The following ROBO2 variants were observed in gnomAD, a reference collection of about 807,000 sequenced individuals.
ROBO2 encodes the protein roundabout guidance receptor 2, also known as roundabout homolog 2.
A neutral mutation model predicts 160.8 loss-of-function variants in ROBO2; 53 were observed. The observed-to-expected ratio is 0.33, with a 90% CI of 0.26 to 0.41. The LOEUF (loss-of-function observed/expected upper bound fraction) is 0.41. Ranked by LOEUF, ROBO2 falls within the 10% of genes least tolerant of loss-of-function variation. The pLI is 1.00. For synonymous variants in ROBO2, 664 were observed against 611.7 expected, an observed-to-expected ratio of 1.09 and a Z score of -1.26; for missense variants, 1,577 against 1,722.4, an observed-to-expected ratio of 0.92 and a Z score of 1.49.
At chr3:76,930,377 A>C (rs146800204) in intron 2 of ROBO2, among the ~76,000 whole-genome samples, 94 of 152,226 alleles carry the variant, frequency 6.2e-4, no homozygotes, top group African/African-American at 2.3e-3. Flanking sequence ...ACCTTTCCTC[A>C]AATGTCATGG....
chr3:76,703,495 C>T lies in ROBO2; in HGVS notation c.110-394519C>T, dbSNP rs1049761121. Among the ~76,000 whole-genome samples, 4 of 152,166 alleles carry T rather than the reference C, an allele frequency of 2.6e-5. No individual in the cohort carries two copies. The South Asian group carries it at 6.2e-4, about 24-fold the overall frequency. ...CCAGTCACCTACATTAGGTATTTCTCCTAATGCTCTCCCTCCCCTTTCCCC... is the reference window on the plus strand; with the variant it reads ...CCAGTCACCTACATTAGGTATTTCTTCTAATGCTCTCCCTCCCCTTTCCCC... On this transcript the variant is annotated intron_variant, in intron 2 of 26. Coordinates refer to the ROBO2 transcript ENST00000487694.
upstream of ROBO2, among the ~76,000 whole-genome samples, chr3:77,037,534 T>G (rs2063710445): frequency 6.6e-6 from 1 of 152,160 alleles, no homozygotes; most frequent in South Asian, 2.1e-4. Flanking sequence ...CTTCTCTGTA[T>G]GATGTAATTT....
chr3:76,409,612 G>C (rs1318404663), intron 2 of ROBO2, among the ~76,000 whole-genome samples: 2 of 152,032 alleles, frequency 1.3e-5, no homozygotes, highest in Non-Finnish European at 2.9e-5. Context: ...AGGAGGAACA[G>C]GTGCAGTAAC....
chr3:76,683,879 CTTCTAAT>C (rs1184868369), intron 2 of ROBO2, among the ~76,000 whole-genome samples: 1 of 151,972 alleles, frequency 6.6e-6, no homozygotes, highest in Non-Finnish European at 1.5e-5. Context: ...AACTTTAAAA[CTTCTAAT>C]TTCTAAGTTT....
intron 2 of ROBO2, among the ~76,000 whole-genome samples, chr3:76,555,367 A>T (rs1183154318): frequency 2.2e-5 from 1 of 44,726 alleles, no homozygotes; most frequent in Non-Finnish European, 6.5e-5. Flanking sequence ...AGAGAAGAAG[A>T]AGAAGAAGAA....
chr3:77,410,744 T>TTCCTCCTCCTCTTCC (rs2076727494), intron 2 of ROBO2, among the ~76,000 whole-genome samples: 3 of 28,938 alleles, frequency 1.0e-4, no homozygotes, highest in Non-Finnish European at 2.1e-4. Flanking sequence ...CCTCCTCCTT[T>TTCCTCCTCCTCTTCC]TCCTCCTCCT....
intron 2 of ROBO2, among the ~76,000 whole-genome samples, chr3:76,819,774 T>C (rs1468295725): frequency 2.6e-5 from 4 of 152,154 alleles, no homozygotes; most frequent in Middle Eastern, 3.4e-3. Context: ...TAAAAGGAAA[T>C]AATTCAATGT....
intron 2 of ROBO2, among the ~76,000 whole-genome samples, chr3:76,023,053 G>A (rs1456107699): frequency 6.6e-6 from 1 of 151,604 alleles, no homozygotes; most frequent in Non-Finnish European, 1.5e-5. Flanking sequence ...TTTGGAGATG[G>A]CTTCTTTCCT....
intron 2 of ROBO2, among the ~76,000 whole-genome samples, chr3:76,574,830 T>G (rs1017869709): frequency 6.6e-6 from 1 of 152,112 alleles, no homozygotes; most frequent in African/African-American, 2.4e-5. Context: ...TGTGATCTCA[T>G]AGGCTCCCAG....
At chr3:76,484,591 G>A (rs1235382610) in intron 2 of ROBO2, among the ~76,000 whole-genome samples, 1 of 152,060 alleles carries the variant, frequency 6.6e-6, no homozygotes, top group Admixed American at 6.6e-5. Context: ...GATCATTATA[G>A]GTTAAATTTT....
chr3:77,237,156 A>G (rs2088123359), intron 2 of ROBO2, among the ~76,000 whole-genome samples: 1 of 146,748 alleles, frequency 6.8e-6, no homozygotes, highest in Non-Finnish European at 1.5e-5. Context: ...TATAGGAGTG[A>G]CCATCATGCC....
chr3:76,794,942 C>A (rs1432579846), intron 2 of ROBO2, among the ~76,000 whole-genome samples: 6 of 151,862 alleles, frequency 4.0e-5, no homozygotes, highest in Non-Finnish European at 5.9e-5. Flanking sequence ...TGCAGGCATA[C>A]CTCAGAGATA....
rs1949046563 is a variant in ROBO2, at chr3:75,964,831, G to A, written c.109+27229G>A. 2.0e-5 allele frequency: 3 copies of A among 151,556 alleles called. No homozygotes were observed. The South Asian group carries it at 6.2e-4, about 31-fold the overall frequency. 9.4% of individuals were successfully genotyped at this position (151,556 alleles called of 1,614,324 possible). Reference sequence around the variant, plus strand: ...TTACATTTATTTATATTGTACACATGATCTCAAAGTTTATATTTTGCCACC... The same window carrying A: ...TTACATTTATTTATATTGTACACATAATCTCAAAGTTTATATTTTGCCACC... On this transcript the variant is annotated intron_variant, in intron 2 of 26. Coordinates refer to the ROBO2 transcript ENST00000487694.
chr3:75,935,423 T>G (rs1001143209), intron 1 of ROBO2, among the ~76,000 whole-genome samples: 51 of 151,942 alleles, frequency 3.4e-4, no homozygotes, highest in African/African-American at 4.8e-4. Flanking sequence ...GAGGCAAAAG[T>G]ATCACTTTGA....
At chr3:77,024,179 G>A (rs1185315228) in intron 2 of ROBO2, among the ~76,000 whole-genome samples, 1 of 152,160 alleles carries the variant, frequency 6.6e-6, no homozygotes, top group African/African-American at 2.4e-5. Flanking sequence ...TCGATTGCCT[G>A]ATTTAAGTTA....
At chr3:77,503,997 C>A (rs1284097313) in intron 5 of ROBO2, among the ~76,000 whole-genome samples, 2 of 152,124 alleles carry the variant, frequency 1.3e-5, no homozygotes, top group Non-Finnish European at 2.9e-5. Context: ...TCAGTGAAGT[C>A]ATTTTTGGGG....
At chr3:75,958,946 C>A (rs1468308048) in intron 2 of ROBO2, among the ~76,000 whole-genome samples, 1 of 151,754 alleles carries the variant, frequency 6.6e-6, no homozygotes, top group Non-Finnish European at 1.5e-5. Flanking sequence ...TTTCATTTAG[C>A]TTCAATTTCC....
intron 2 of ROBO2, among the ~76,000 whole-genome samples, chr3:77,240,163 T>C (rs2088784225): frequency 6.6e-6 from 1 of 152,016 alleles, no homozygotes; most frequent in Non-Finnish European, 1.5e-5. Flanking sequence ...TCGGGGAGGC[T>C]CGGGCCACGC....
At chr3:76,301,448 T>C (rs1251553341) in intron 2 of ROBO2, among the ~76,000 whole-genome samples, 1 of 152,052 alleles carries the variant, frequency 6.6e-6, no homozygotes, top group East Asian at 1.9e-4. Flanking sequence ...GGGATACACA[T>C]TGGTGAAGAA....
Sources: gnomAD v4.1 joint callset for allele counts (sites outside exome capture counted in the v4.1 genomes callset) on GRCh38, gnomAD v4.1.1 for gene constraint, MANE v1.5 for transcripts, NCBI Gene and HGNC (gene_info 2026-07-23, HGNC 2026-07-21) for gene names.